UQCC6: variants seen among roughly 807,000 people sequenced by gnomAD.
UQCC6 encodes the protein ubiquinol-cytochrome c reductase complex assembly factor 6.
the UQCC6 span, chr12:103,951,704 A>C: frequency 1.3e-6 from 1 of 798,120 alleles, no homozygotes; most frequent in Non-Finnish European, 2.0e-6. Context: ...AACCTAGAAG[A>C]CTTTAAAGAG....
chr12:103,960,083 A>C, the UQCC6 span, among the ~76,000 whole-genome samples: 1 of 151,132 alleles, frequency 6.6e-6, no homozygotes, highest in African/African-American at 2.4e-5. Context: ...CTATTTATTT[A>C]TTTATTCTTT....
chr12:103,960,587 A>G, the UQCC6 span, among the ~76,000 whole-genome samples: 1 of 152,218 alleles, frequency 6.6e-6, no homozygotes, highest in African/African-American at 2.4e-5. Context: ...AAAAACACAA[A>G]AACATAAAAA....
the UQCC6 span, chr12:103,956,416 C>G: frequency 2.0e-6 from 1 of 509,748 alleles, no homozygotes; most frequent in Non-Finnish European, 3.5e-6. Flanking sequence ...ACAGGCCATG[C>G]ATTGCCCTAG....
At chr12:103,955,660 T>C in the UQCC6 span, 5 of 416,070 alleles carry the variant, frequency 1.2e-5, no homozygotes, top group Admixed American at 6.1e-5. Context: ...TCAATAAAAA[T>C]TTCTAAAAAA....
chr12:103,952,056 T>G, the UQCC6 span, among the ~76,000 whole-genome samples: 11 of 152,300 alleles, frequency 7.2e-5, no homozygotes, highest in Admixed American at 6.5e-4. Context: ...GAAAGCAGTA[T>G]GCAAAAAAAT....
At chr12:103,953,529 G>C in the UQCC6 span, 1 of 702,252 alleles carries the variant, frequency 1.4e-6, no homozygotes, top group South Asian at 1.5e-5. Context: ...TTGTGATCCA[G>C]TTTTGCTACA....
chr12:103,951,677 A>C, the UQCC6 span: 1 of 1,077,190 alleles, frequency 9.3e-7, no homozygotes, highest in Non-Finnish European at 1.4e-6. Context: ...ACCCTTAATA[A>C]GGCTGTAATT....
the UQCC6 span, chr12:103,956,664 T>C: frequency 6.4e-7 from 1 of 1,551,710 alleles, no homozygotes; most frequent in East Asian, 2.4e-5. Flanking sequence ...GCACCACTTC[T>C]GCCCCTGCGC....
At chr12:103,956,575 C>T in the UQCC6 span, 3 of 1,190,544 alleles carry the variant, frequency 2.5e-6, no homozygotes, top group Admixed American at 2.0e-5. Context: ...GGGTAATTTA[C>T]AAAGAAATGA....
At chr12:103,951,422 C>T in the UQCC6 span, 1 of 592,850 alleles carries the variant, frequency 1.7e-6, no homozygotes, top group Non-Finnish European at 3.0e-6. Flanking sequence ...CCTCCTCTTG[C>T]AGTTAGCATT....
chr12:103,956,740 G>A, the UQCC6 span: 1 of 1,549,630 alleles, frequency 6.5e-7, no homozygotes, highest in Non-Finnish European at 8.7e-7. Flanking sequence ...CGCGGGCATG[G>A]TCGGCAGGCT....
the UQCC6 span, among the ~76,000 whole-genome samples, chr12:103,952,068 C>A: frequency 2.6e-5 from 4 of 152,148 alleles, no homozygotes; most frequent in Non-Finnish European, 5.9e-5. Flanking sequence ...CAAAAAAATA[C>A]AAAATCCCTG....
chr12:103,963,738 TTTG>T, the UQCC6 span, among the ~76,000 whole-genome samples: 1 of 152,318 alleles, frequency 6.6e-6, no homozygotes, highest in Non-Finnish European at 1.5e-5. Context: ...TTTCTAATTG[TTTG>T]TTGTTAGTAC....
chr12:103,956,557 C>T, the UQCC6 span: 1 of 1,035,852 alleles, frequency 9.7e-7, no homozygotes, highest in Non-Finnish European at 1.5e-6. Flanking sequence ...AAAGGAATGC[C>T]TAAGGCTGGG....
the UQCC6 span, among the ~76,000 whole-genome samples, chr12:103,954,418 C>T: frequency 6.6e-6 from 1 of 152,200 alleles, no homozygotes. Flanking sequence ...GCTTTTAACT[C>T]ATGGCAGAAG....
the UQCC6 span, chr12:103,956,891 A>C: frequency 1.0e-5 from 6 of 596,916 alleles, no homozygotes; most frequent in Non-Finnish European, 1.8e-5. Context: ...GCCCAACCCC[A>C]CGCCTCGGTT....
At chr12:103,961,215 T>C in the UQCC6 span, among the ~76,000 whole-genome samples, 1 of 152,030 alleles carries the variant, frequency 6.6e-6, no homozygotes, top group South Asian at 2.1e-4. Context: ...AAAAGGCTTA[T>C]AGAATAAGGA....
the UQCC6 span, among the ~76,000 whole-genome samples, chr12:103,960,875 T>C: frequency 1.3e-5 from 2 of 152,206 alleles, no homozygotes; most frequent in Admixed American, 1.3e-4. Flanking sequence ...TACATAATAC[T>C]TGATAATAAA....
the UQCC6 span, among the ~76,000 whole-genome samples, chr12:103,962,612 G>A: frequency 1.3e-5 from 2 of 152,184 alleles, no homozygotes; most frequent in Non-Finnish European, 2.9e-5. Flanking sequence ...GCAACACCCA[G>A]ATGCTACCAC....
Sources: gnomAD v4.1 joint callset for allele counts (sites outside exome capture counted in the v4.1 genomes callset) on GRCh38, gnomAD v4.1.1 for gene constraint, MANE v1.5 for transcripts, NCBI Gene and HGNC (gene_info 2026-07-23, HGNC 2026-07-21) for gene names.